The following CCDC82 variants were observed in gnomAD, a reference collection of about 807,000 sequenced individuals.
CCDC82 encodes coiled-coil domain containing 82, also known as coiled-coil domain-containing protein 82.
Under a neutral mutation model 60.6 loss-of-function variants are expected in CCDC82, and 47 were observed. That is an observed-to-expected ratio of 0.77 (90% CI 0.61 to 0.99). The LOEUF (loss-of-function observed/expected upper bound fraction) is 0.99, where lower values mean the gene tolerates loss of function less well. Among genes scored for constraint, CCDC82 ranks in the 50% least tolerant of loss-of-function variants. CCDC82 has a pLI of 0.00. For synonymous variants in CCDC82, 212 were observed against 207.4 expected (o/e 1.02, Z -0.19); for missense variants, 588 against 633.0 (o/e 0.93, Z 0.76).
chr11:96,380,880 CTGTA>C (rs1228687310), intron 5 of CCDC82: 1 of 151,494 alleles, frequency 6.6e-6, no homozygotes, highest in African/African-American at 2.4e-5. Flanking sequence ...TGAAACTACT[CTGTA>C]TGATAGTGTA....
chr11:96,367,076 G>A (rs1864989978), intron 7 of CCDC82, among the ~76,000 whole-genome samples: 1 of 152,178 alleles, frequency 6.6e-6, no homozygotes, highest in African/African-American at 2.4e-5. Flanking sequence ...CAGTGAATAG[G>A]CATCTTTTTG....
chr11:96,383,874 G>A, intron 4 of CCDC82, 88 bp downstream of exon 4: 1 of 1,152,956 alleles, frequency 8.7e-7, no homozygotes, highest in Non-Finnish European at 1.2e-6. Context: ...ATTGAGAAAT[G>A]GAACGGACTC....
rs369896227 is a variant in CCDC82 at position 96,357,326 on chromosome 11, G to GA, written c.1566+1666dup. ...TGAAGGTCTTTGGTATTTTCATGGGGAAAAAAATGTGTATACTGTCCTAGA... is the reference window on the plus strand; with the variant it reads ...TGAAGGTCTTTGGTATTTTCATGGGGAAAAAAAATGTGTATACTGTCCTAGA... On this transcript the variant is annotated intron_variant, in intron 9 of 9. Transcript: ENST00000646818. 90 of 985,158 alleles carry GA rather than the reference G, an allele frequency of 9.1e-5. No individual in the cohort carries two copies. The South Asian group carries it at 3.6e-3, about 40-fold the overall frequency. 61.0% of individuals were successfully genotyped at this position (985,158 alleles called of 1,614,324 possible).
At chr11:96,360,964 T>C (rs1864631235) in intron 8 of CCDC82, among the ~76,000 whole-genome samples, 1 of 152,256 alleles carries the variant, frequency 6.6e-6, no homozygotes, top group Admixed American at 6.5e-5. Flanking sequence ...ACCTTCCTGC[T>C]TTTCAGATCA....
chr11:96,357,969 T>A (rs922866594), intron 9 of CCDC82: 7 of 985,246 alleles, frequency 7.1e-6, no homozygotes, highest in African/African-American at 1.7e-5. Context: ...GGTGGTGGTT[T>A]GTGGTGGGAG....
At chr11:96,375,265 G>A (rs987639365) in intron 5 of CCDC82, among the ~76,000 whole-genome samples, 14 of 152,162 alleles carry the variant, frequency 9.2e-5, no homozygotes, top group African/African-American at 3.4e-4. Flanking sequence ...TATGCCCAGT[G>A]CTACTCATTT....
At chr11:96,359,348 G>A (rs540282006) in intron 8 of CCDC82, 170 bp from the exon 9 acceptor site, 1 of 545,566 alleles carries the variant, frequency 1.8e-6, no homozygotes, top group East Asian at 3.4e-5. Flanking sequence ...GCACCTGTGA[G>A]GTTTCAAACA....
intron 5 of CCDC82, among the ~76,000 whole-genome samples, chr11:96,374,845 GAATT>G (rs918020574): frequency 1.3e-4 from 19 of 151,830 alleles, no homozygotes; most frequent in African/African-American, 4.3e-4. Flanking sequence ...TAATGGTTAT[GAATT>G]TATTTATTAG....
Position 96,359,157 on chromosome 11 carries a change from A to G in CCDC82, c.1402T>C (p.Cys468Arg). ...TGATAAATTCTGGTACGGCTGGCAC[A>G]AATTCTGCCAACAGTGAACACCTAA... ...DKQVFTVGRI[C>R]ASRTRIYHKL... The change falls in exon 9 of 10, where the codon TGT becomes CGT. Residue 468 changes from cysteine (C) to arginine (R), a missense_variant. Physicochemically the swap from Cys to Arg is radical, Grantham distance 180 (BLOSUM62 -3). Coordinates refer to ENST00000646818, the MANE Select transcript of CCDC82 (RefSeq NM_024725.4). The G allele has an allele frequency of 1.3e-6, 2 of 1,580,790 alleles. No homozygotes were observed. Among genetic ancestry groups the G allele is most frequent in the Non-Finnish European group, 1.7e-6 (2 of 1,170,060 alleles).
chr11:96,373,506 CA>C, intron 5 of CCDC82, 39 bp from the exon 6 acceptor site: 2 of 1,241,226 alleles, frequency 1.6e-6, no homozygotes, highest in East Asian at 2.3e-5. Context: ...ACAGAGCAGA[CA>C]AAATAATTTC....
At chr11:96,378,738 A>T (rs567415553) in intron 5 of CCDC82, among the ~76,000 whole-genome samples, 1 of 152,132 alleles carries the variant, frequency 6.6e-6, no homozygotes, top group African/African-American at 2.4e-5. Context: ...CAATATTTTT[A>T]GTGTGTGAAC....
chr11:96,384,716 C>G lies in CCDC82; in HGVS notation c.32G>C (p.Arg11Thr). Residue 11 changes from arginine to threonine, a missense_variant, in exon 4 of 10, where the codon AGA becomes ACA. Transcript: ENST00000646818. The stretch of plus-strand genomic sequence containing the variant: ...CTCAGGCACGTGACTCTTAGAATTT[C>G]TCCTTGTTTCATGTCTTCTAACATG... MIHVRRHETR[R>T]NSKSHVPEQK... 1 of 1,608,192 alleles carries G rather than the reference C, an allele frequency of 6.2e-7. No homozygotes were observed. Among genetic ancestry groups the G allele is most frequent in the Non-Finnish European group, 8.5e-7 (1 of 1,178,088 alleles).
chr11:96,385,567 C>T (rs1185676927), intron 3 of CCDC82: 2 of 152,162 alleles, frequency 1.3e-5, no homozygotes, highest in Middle Eastern at 3.4e-3. Context: ...CTCTTTATAC[C>T]TTAGTAAAAT....
intron 6 of CCDC82, among the ~76,000 whole-genome samples, chr11:96,372,650 A>G (rs1161033020): frequency 7.0e-6 from 1 of 143,122 alleles, no homozygotes; most frequent in African/African-American, 2.5e-5. Flanking sequence ...AAATATATAT[A>G]TAAATATAAA....
chr11:96,379,577 C>T (rs1016734814), intron 5 of CCDC82, among the ~76,000 whole-genome samples: 3 of 151,632 alleles, frequency 2.0e-5, no homozygotes, highest in Non-Finnish European at 3.0e-5. Flanking sequence ...GTAGGGGCAC[C>T]CACATGGCTT....
At chr11:96,367,011 C>T (rs1565307425) in intron 7 of CCDC82, among the ~76,000 whole-genome samples, 1 of 152,200 alleles carries the variant, frequency 6.6e-6, no homozygotes, top group African/African-American at 2.4e-5. Flanking sequence ...ATTTAAACTA[C>T]ATTTAATTAA....
At position 96,353,606 on chromosome 11, in the gene CCDC82, A is replaced by G. The variant is rs1864191058; in HGVS notation, c.*40T>C. 7.2e-7 allele frequency: 1 copy of G among 1,392,710 alleles called. No individual in the cohort carries two copies. The highest frequency in any genetic ancestry group is 1.0e-6 in the Non-Finnish European group (1 of 981,880). 86.3% of individuals were successfully genotyped at this position (1,392,710 alleles called of 1,614,324 possible). A position where few individuals can be genotyped will look rare whatever the true frequency, so the allele number is the denominator to read the frequency against. ...GAAAAACAAGAATCATGATCTTCAC[A>G]TTTACAGGAATTTAAAAAATCTTCT... On this transcript the variant is annotated 3_prime_UTR_variant, in exon 10 of 10. Transcript: ENST00000646818.
At chr11:96,357,796 T>C (rs1180969253) in intron 9 of CCDC82, 3 of 985,258 alleles carry the variant, frequency 3.0e-6, no homozygotes, top group Admixed American at 6.2e-5. Context: ...CGGGAAGTTA[T>C]TGAATAAGTG....
intron 5 of CCDC82, among the ~76,000 whole-genome samples, 188 bp from the exon 6 acceptor site, chr11:96,373,655 T>C (rs530877940): frequency 1.3e-5 from 2 of 152,200 alleles, no homozygotes; most frequent in Admixed American, 1.3e-4. Context: ...CCAAACTTAC[T>C]GGCTTCCAAT....
Sources: gnomAD v4.1 joint callset for allele counts (sites outside exome capture counted in the v4.1 genomes callset) on GRCh38, gnomAD v4.1.1 for gene constraint, MANE v1.5 for transcripts, NCBI Gene and HGNC (gene_info 2026-07-23, HGNC 2026-07-21) for gene names.